The following NTNG1 variants were observed in gnomAD, a reference collection of about 807,000 sequenced individuals.
NTNG1 encodes netrin-G1.
NTNG1 carries 16 observed loss-of-function variants against 54.0 expected under a neutral mutation model. The observed-to-expected ratio is 0.30, with a 90% CI of 0.20 to 0.45. The LOEUF is 0.45. NTNG1 is among the 20% of genes least tolerant of loss of function. The pLI, the probability that NTNG1 is intolerant of heterozygous loss-of-function variation, is 1.00. For synonymous variants in NTNG1, 255 were observed against 263.1 expected (o/e 0.97, Z 0.30); for missense variants, 530 against 678.7 (o/e 0.78, Z 2.43).
At chr1:107,195,620 C>T (rs1253859136) in intron 2 of NTNG1, among the ~76,000 whole-genome samples, 1 of 152,006 alleles carries the variant, frequency 6.6e-6, no homozygotes, top group Non-Finnish European at 1.5e-5. Context: ...CAGACACACA[C>T]ACACACACAT....
At chr1:107,420,307 T>C (rs919363490) in intron 5 of NTNG1, among the ~76,000 whole-genome samples, 2 of 152,078 alleles carry the variant, frequency 1.3e-5, no homozygotes, top group African/African-American at 4.8e-5. Flanking sequence ...AGCAGCACAG[T>C]TGAGCAAAGT....
intron 2 of NTNG1, among the ~76,000 whole-genome samples, chr1:107,279,832 C>T (rs907856731): frequency 6.6e-6 from 1 of 151,804 alleles, no homozygotes; most frequent in African/African-American, 2.4e-5. Context: ...TCTCTGTTGC[C>T]CAGGCTCGAG....
intron 2 of NTNG1, 89 bp from the exon 3 acceptor site, chr1:107,324,193 T>C: frequency 8.0e-7 from 1 of 1,245,596 alleles, no homozygotes; most frequent in Non-Finnish European, 1.1e-6. Flanking sequence ...TTTTTTTCCT[T>C]TTCTAGCCTC....
chr1:107,157,134 C>G (rs1655061118), intron 2 of NTNG1, among the ~76,000 whole-genome samples: 1 of 152,102 alleles, frequency 6.6e-6, no homozygotes. Context: ...TATTTAACAA[C>G]TAATTGGAAA....
rs923874133 is a variant in NTNG1, at chr1:107,191,434, A to G, written c.246+42595A>G. 1.9e-3 allele frequency among the ~76,000 whole-genome samples: 287 copies of G among 152,142 alleles called. 2 individuals are homozygous for G. Among genetic ancestry groups the G allele is most frequent in the African/African-American group, 6.7e-3 (277 of 41,514 alleles). On this transcript the variant is annotated intron_variant, in intron 2 of 7. Transcript: ENST00000370068. ...TGTGCAGAAGCTCTTTAGTTTAATT[A>G]GATCCCATTTGTCAATTGTGGCTTT...
chr1:107,324,543 C>G lies in NTNG1; in HGVS notation c.508C>G (p.Arg170Gly). ...CCTGGAGAAGTCTCTCGATTATGGA[C>G]GAACATGGCAGCCCTATCAGTATTA... ...MILEKSLDYG[R>G]TWQPYQYYAT... is the part of the protein sequence containing the mutation. The change falls in exon 3 of 8, where the codon CGA becomes GGA. Residue 170 changes from arginine (R) to glycine (G), a missense_variant. Around this residue, in one of 2 missense-constraint regions of NTNG1, gnomAD observed 318 missense variants for 465.1 expected, o/e 0.68. Coordinates refer to ENST00000370068, the MANE Select transcript of NTNG1 (RefSeq NM_001113226.3). The G allele has an allele frequency of 6.2e-7, 1 of 1,613,740 alleles. No individual in the cohort carries two copies. The highest frequency in any genetic ancestry group is 8.5e-7 in the Non-Finnish European group (1 of 1,179,836).
At position 107,388,770 on chromosome 1, in the gene NTNG1, C is replaced by A. The variant is rs138553312; in HGVS notation, c.888-6384C>A. Among the ~76,000 whole-genome samples, 228 of 152,302 alleles carry A rather than the reference C, an allele frequency of 1.5e-3. 1 individual carries two copies. Among genetic ancestry groups the A allele is most frequent in the African/African-American group, 5.2e-3 (218 of 41,570 alleles). On this transcript the variant is annotated intron_variant, in intron 3 of 7. Coordinates refer to ENST00000370068, the MANE Select transcript of NTNG1 (RefSeq NM_001113226.3). ...AACTCTAAGTTATGTTGTTGCACAT[C>A]TCCCATTTCAAGTAATGTGTTAAGG...
At chr1:107,436,938 C>A in intron 7 of NTNG1, 139 bp downstream of exon 7, 2 of 711,274 alleles carry the variant, frequency 2.8e-6, no homozygotes, top group Non-Finnish European at 4.4e-6. Flanking sequence ...ATGCTGCGGC[C>A]AATGTATTGG....
At chr1:107,313,513 T>C (rs1216270822) in intron 2 of NTNG1, among the ~76,000 whole-genome samples, 1 of 152,126 alleles carries the variant, frequency 6.6e-6, no homozygotes, top group Non-Finnish European at 1.5e-5. Flanking sequence ...CATCGAAGTG[T>C]AAGTGATAGT....
chr1:107,199,316 C>T (rs1413724047), intron 2 of NTNG1, among the ~76,000 whole-genome samples: 1 of 131,228 alleles, frequency 7.6e-6, no homozygotes, highest in East Asian at 2.3e-4. Context: ...ATTTGGCACA[C>T]ATTACATATG....
intron 2 of NTNG1, among the ~76,000 whole-genome samples, chr1:107,286,695 T>A (rs1287982777): frequency 6.6e-6 from 1 of 152,196 alleles, no homozygotes; most frequent in Non-Finnish European, 1.5e-5. Flanking sequence ...CCTTAGGGTG[T>A]ATACTCCAAC....
intron 2 of NTNG1, among the ~76,000 whole-genome samples, chr1:107,217,353 C>A (rs568225078): frequency 4.6e-5 from 7 of 152,006 alleles, no homozygotes; most frequent in Non-Finnish European, 1.0e-4. Context: ...TGGTTAATCT[C>A]GCTAATGGTC....
chr1:107,148,945 G>A, intron 2 of NTNG1, 106 bp downstream of exon 2: 1 of 1,143,136 alleles, frequency 8.7e-7, no homozygotes. Context: ...AGTTGAATCT[G>A]CAGGTGGCAG....
intron 2 of NTNG1, among the ~76,000 whole-genome samples, chr1:107,287,829 A>G (rs1395198912): frequency 1.3e-5 from 2 of 152,136 alleles, no homozygotes; most frequent in Non-Finnish European, 2.9e-5. Context: ...AATGGGTACA[A>G]TACTCCTTTT....
chr1:107,167,441 CTAA>C (rs1260860558), intron 2 of NTNG1, among the ~76,000 whole-genome samples: 2 of 151,502 alleles, frequency 1.3e-5, no homozygotes, highest in East Asian at 1.9e-4. Context: ...ATTTATTATA[CTAA>C]TAACTTGTAT....
intron 3 of NTNG1, among the ~76,000 whole-genome samples, chr1:107,344,372 T>C (rs1219334966): frequency 1.3e-5 from 2 of 152,282 alleles, no homozygotes; most frequent in East Asian, 3.9e-4. Flanking sequence ...GTTTTTATTT[T>C]AGGAGAGGAC....
intron 7 of NTNG1, among the ~76,000 whole-genome samples, chr1:107,454,614 T>A (rs1295777064): frequency 6.6e-6 from 1 of 151,936 alleles, no homozygotes; most frequent in South Asian, 2.1e-4. Flanking sequence ...AACATCAAAC[T>A]GTGGCCCAAT....
At chr1:107,395,378 T>A (rs1329783002) in intron 4 of NTNG1, 52 bp downstream of exon 4, 2 of 1,480,372 alleles carry the variant, frequency 1.4e-6, no homozygotes, top group South Asian at 1.1e-5. Flanking sequence ...GAGGTGATAG[T>A]TCCTCTCAAT....
intron 2 of NTNG1, among the ~76,000 whole-genome samples, chr1:107,193,076 T>A (rs537618483): frequency 7.2e-5 from 11 of 152,190 alleles, no homozygotes; most frequent in African/African-American, 2.6e-4. Context: ...TACTAATTGT[T>A]CAATGGTTAG....
Sources: allele counts gnomAD v4.1 joint callset (sites outside exome capture counted in the v4.1 genomes callset), GRCh38; gene constraint gnomAD v4.1.1; regional missense constraint gnomAD v4.1.1; transcripts MANE v1.5; gene names NCBI Gene and HGNC (gene_info 2026-07-23, HGNC 2026-07-21).